The following NLN variants were observed in gnomAD, a reference collection of about 807,000 sequenced individuals.
The protein encoded by NLN is neurolysin, mitochondrial.
Under a neutral mutation model 79.9 loss-of-function variants are expected in NLN, and 64 were observed. That is an observed-to-expected ratio of 0.80 (90% CI 0.65 to 0.99). The LOEUF is 0.99. NLN is among the 50% of genes least tolerant of loss of function. The pLI is 0.00. For synonymous variants in NLN, 267 were observed against 296.6 expected (o/e 0.90, Z 1.02); for missense variants, 835 against 858.7 (o/e 0.97, Z 0.34).
intron 2 of NLN, among the ~76,000 whole-genome samples, chr5:65,760,069 C>T (rs1424408624): frequency 6.6e-6 from 1 of 152,110 alleles, no homozygotes; most frequent in Non-Finnish European, 1.5e-5. Context: ...TGTAAACATT[C>T]GTGGGCATTT....
At chr5:65,817,377 G>T (rs1760691978) in intron 12 of NLN, among the ~76,000 whole-genome samples, 1 of 152,164 alleles carries the variant, frequency 6.6e-6, no homozygotes, top group South Asian at 2.1e-4. Context: ...GAATGGAACT[G>T]CTTGGGATTA....
At chr5:65,783,489 C>G (rs963789644) in intron 6 of NLN, among the ~76,000 whole-genome samples, 4 of 152,044 alleles carry the variant, frequency 2.6e-5, no homozygotes, top group Non-Finnish European at 4.4e-5. Context: ...TCCCATTGTC[C>G]CATTGAGTAT....
chr5:65,819,062 C>T (rs189939232), intron 12 of NLN: 2 of 152,320 alleles, frequency 1.3e-5, no homozygotes, highest in East Asian at 3.9e-4. Context: ...TGCCTTATCT[C>T]TCCCACTTAA....
intron 8 of NLN, among the ~76,000 whole-genome samples, chr5:65,789,528 G>C (rs558092029): frequency 1.9e-4 from 29 of 152,078 alleles, no homozygotes; most frequent in Non-Finnish European, 3.8e-4. Flanking sequence ...TGTAATCCCA[G>C]CATTTTGGAA....
chr5:65,792,842 G>T, intron 9 of NLN, 187 bp downstream of exon 9: 1 of 659,938 alleles, frequency 1.5e-6, no homozygotes, highest in Non-Finnish European at 2.8e-6. Flanking sequence ...TTTACTTGGA[G>T]GTTCATCTAC....
At chr5:65,792,800 T>C (rs1382892303) in intron 9 of NLN, 145 bp downstream of exon 9, 1 of 719,900 alleles carries the variant, frequency 1.4e-6, no homozygotes. Context: ...AAACCAAAAT[T>C]TTCCTTATCC....
chr5:65,814,417 T>C (rs1760623100), intron 12 of NLN, among the ~76,000 whole-genome samples: 1 of 152,184 alleles, frequency 6.6e-6, no homozygotes, highest in South Asian at 2.1e-4. Flanking sequence ...AATTTATTCG[T>C]TCTATTTCGT....
At chr5:65,758,885 A>G in intron 2 of NLN, 59 bp downstream of exon 2, 19 of 1,468,682 alleles carry the variant, frequency 1.3e-5, no homozygotes, top group Non-Finnish European at 1.7e-5. Context: ...AAATCATTTC[A>G]TGCTTTCTGT....
intron 1 of NLN, 130 bp downstream of exon 1, chr5:65,722,544 G>A (rs1398683210): frequency 1.2e-5 from 10 of 840,132 alleles, no homozygotes; most frequent in Non-Finnish European, 1.8e-5. Flanking sequence ...CCCTCCCCGC[G>A]GCTTGCAAGG....
intron 1 of NLN, among the ~76,000 whole-genome samples, chr5:65,725,413 A>G (rs991222792): frequency 1.6e-4 from 24 of 152,232 alleles, no homozygotes; most frequent in Non-Finnish European, 2.9e-4. Flanking sequence ...TTAATATCCA[A>G]TGGTGTACCT....
At chr5:65,769,362 A>G (rs1408400562) in intron 3 of NLN, among the ~76,000 whole-genome samples, 1 of 152,254 alleles carries the variant, frequency 6.6e-6, no homozygotes. Context: ...ACTGTAGTCA[A>G]TAATGACTTA....
Position 65,812,297 on chromosome 5 carries a change from A to G in NLN, c.1886A>G (p.Tyr629Cys). 2 of 1,610,958 alleles carry G rather than the reference A, an allele frequency of 1.2e-6. No homozygotes were observed. Among genetic ancestry groups the G allele is most frequent in the Non-Finnish European group, 1.7e-6 (2 of 1,177,064 alleles). ...PATFGHLAGG[Y>C]DGQYYGYLWS... is the part of the protein sequence containing the mutation. ...ACCTTTGGACATTTGGCAGGGGGAT[A>G]CGATGGCCAATATTATGGATATCTT... The change falls in exon 12 of 13, where the codon TAC becomes TGC. Residue 629 changes from tyrosine to cysteine, a missense_variant. Tyr to Cys is a radical substitution (Grantham distance 194). Coordinates refer to ENST00000380985, the MANE Select transcript of NLN (RefSeq NM_020726.5).
chr5:65,757,428 G>T (rs1759244281), intron 1 of NLN, among the ~76,000 whole-genome samples: 1 of 152,118 alleles, frequency 6.6e-6, no homozygotes, highest in East Asian at 1.9e-4. Flanking sequence ...CTGTGTTTTA[G>T]TTTTCTCTTC....
chr5:65,788,826 G>T (rs1396897076), intron 8 of NLN, among the ~76,000 whole-genome samples: 1 of 152,082 alleles, frequency 6.6e-6, no homozygotes, highest in Non-Finnish European at 1.5e-5. Context: ...ACAAAAATTA[G>T]CCAGGTGTAG....
In NLN at chr5:65,827,530, G is replaced by A. The variant is rs1760943242; in HGVS notation, c.*4615G>A. ...TATCTTTGTGGCTAAGATGGAGAAT[G>A]TGACTGGATAATAGTTATCCAGGTG... On this transcript the variant is annotated 3_prime_UTR_variant, in exon 13 of 13. Transcript: ENST00000380985. The A allele has an allele frequency of 1.3e-5, 2 of 152,180 alleles. No homozygotes were observed. The highest frequency in any genetic ancestry group is 2.9e-5 in the Non-Finnish European group (2 of 68,034). 9.4% of individuals were successfully genotyped at this position (152,180 alleles called of 1,614,324 possible).
intron 1 of NLN, among the ~76,000 whole-genome samples, chr5:65,750,336 T>A (rs1221225795): frequency 1.8e-4 from 27 of 152,246 alleles, no homozygotes; most frequent in Non-Finnish European, 8.8e-5. Context: ...TAACCACATG[T>A]ACCTGCTGTG....
At chr5:65,768,320 A>G (rs1264663388) in intron 3 of NLN, among the ~76,000 whole-genome samples, 2 of 152,156 alleles carry the variant, frequency 1.3e-5, no homozygotes, top group African/African-American at 4.8e-5. Context: ...GAAGGAAGCA[A>G]GGTACATCTT....
intron 4 of NLN, 47 bp downstream of exon 4, chr5:65,777,581 TAAAAC>T (rs773014722): frequency 3.3e-6 from 4 of 1,225,018 alleles, no homozygotes; most frequent in Non-Finnish European, 4.7e-6. Context: ...AATGAATAAA[TAAAAC>T]AAAATACTGG....
intron 12 of NLN, among the ~76,000 whole-genome samples, chr5:65,817,669 A>G (rs1270340176): frequency 6.6e-6 from 1 of 152,216 alleles, no homozygotes; most frequent in African/African-American, 2.4e-5. Context: ...AACAAGTATC[A>G]CTTCTGAAAG....
Sources: allele counts gnomAD v4.1 joint callset (sites outside exome capture counted in the v4.1 genomes callset), GRCh38; gene constraint gnomAD v4.1.1; transcripts MANE v1.5; gene names NCBI Gene and HGNC (gene_info 2026-07-23, HGNC 2026-07-21).